Variants in TFRC observed in about 807,000 individuals in gnomAD.
TFRC encodes transferrin receptor.
In TFRC, 35 loss-of-function variants were observed where a neutral mutation model predicts 85.8. That is an observed-to-expected ratio of 0.41 (90% CI 0.31 to 0.54). The LOEUF is 0.54. TFRC is among the 20% of genes least tolerant of loss of function. TFRC has a pLI of 0.31. For missense variants in TFRC, 828 were observed against 921.5 expected (o/e 0.90, Z 1.31); for synonymous variants, 362 against 328.6 (o/e 1.10, Z -1.10).
At position 196,060,266 on chromosome 3, in the gene TFRC, A is replaced by T. The variant is rs1031845644; in HGVS notation, c.1469-19T>A. On this transcript the variant is annotated intron_variant, in intron 13 of 18. Transcript: ENST00000360110. ...CTGGTACCTGAAAATAAATTGTTTT[A>T]TCATTGCCCCTTCTCCATTCCGATA... is the stretch of plus-strand genomic sequence containing the variant. 1.2e-6 allele frequency: 2 copies of T among 1,609,214 alleles called. No homozygotes were observed. The highest frequency in any genetic ancestry group is 1.7e-5 in the Admixed American group (1 of 59,908).
intron 16 of TFRC, among the ~76,000 whole-genome samples, chr3:196,056,619 C>T (rs892427164): frequency 3.9e-5 from 6 of 152,046 alleles, no homozygotes; most frequent in African/African-American, 1.5e-4. Flanking sequence ...CCAGGCTGGT[C>T]TTGAACTCCT....
rs901572711 is a variant in TFRC at position 196,051,644 on chromosome 3, G to A, written c.*298C>T. ...GAGATCATTCACATAACTGGTTTCT[G>A]ACATTTTCATTAACAACAACAGGAA... On this transcript the variant is annotated 3_prime_UTR_variant, in exon 19 of 19. Transcript: ENST00000360110. 12 of 366,440 alleles carry A rather than the reference G, an allele frequency of 3.3e-5. No individual in the cohort carries two copies. The highest frequency in any genetic ancestry group is 2.5e-4 in the African/African-American group (12 of 48,192). 22.7% of individuals were successfully genotyped at this position (366,440 alleles called of 1,614,324 possible). A position where few individuals can be genotyped will look rare whatever the true frequency, so the allele number is the denominator to read the frequency against.
intron 2 of TFRC, among the ~76,000 whole-genome samples, chr3:196,076,750 C>A (rs1322509384): frequency 1.3e-5 from 2 of 152,024 alleles, no homozygotes; most frequent in Non-Finnish European, 2.9e-5. Context: ...TGAGCCACAG[C>A]GCCCCGCAAG....
rs1428954635 is a variant in TFRC at position 196,049,985 on chromosome 3, G to A, written c.*1957C>T. 2 of 230,792 alleles carry A rather than the reference G, an allele frequency of 8.7e-6. No homozygotes were observed. Among genetic ancestry groups the A allele is most frequent in the Non-Finnish European group, 1.7e-5 (2 of 116,608 alleles). The allele number at this position is 230,792 out of a possible 1,614,324, so 14.3% of individuals were successfully genotyped here. ...ACGTTTATAATGATGGTTCACTCAC[G>A]GAGCTTCGAACTTATTCATACCTAC... On this transcript the variant is annotated 3_prime_UTR_variant, in exon 19 of 19. Coordinates refer to ENST00000360110, the MANE Select transcript of TFRC (RefSeq NM_001128148.3).
At chr3:196,078,361 T>C (rs990576331) in intron 1 of TFRC, among the ~76,000 whole-genome samples, 1 of 152,108 alleles carries the variant, frequency 6.6e-6, no homozygotes, top group African/African-American at 2.4e-5. Flanking sequence ...TAACTGGCAT[T>C]AAGAAAAAGC....
intron 9 of TFRC, 38 bp from the exon 10 acceptor site, chr3:196,065,638 T>C (rs764240700): frequency 1.8e-5 from 28 of 1,565,860 alleles, no homozygotes; most frequent in Admixed American, 3.8e-5. Context: ...TGAGTTATTG[T>C]TCCTTGCCCA....
Position 196,055,275 on chromosome 3 carries a change from G to A in TFRC, c.1704C>T (p.Thr568=). 1 of 1,614,184 alleles carries A rather than the reference G, an allele frequency of 6.2e-7. No individual in the cohort carries two copies. Among genetic ancestry groups the A allele is most frequent in the Non-Finnish European group, 8.5e-7 (1 of 1,180,022 alleles). ...CEDTDYPYLG[T]TMDTYKELIE... is the part of the protein sequence containing the mutation. ...TCAGTTCCTTATAGGTGTCCATGGTGGTACCCAAATAAGGATAATCTGTGT... is the reference window on the plus strand; with the variant it reads ...TCAGTTCCTTATAGGTGTCCATGGTAGTACCCAAATAAGGATAATCTGTGT... Residue 568 remains threonine (T), a synonymous_variant, in exon 17 of 19, where the codon ACC becomes ACT. Coordinates refer to ENST00000360110, the MANE Select transcript of TFRC (RefSeq NM_001128148.3).
intron 16 of TFRC, among the ~76,000 whole-genome samples, chr3:196,057,470 C>T (rs1001901293): frequency 2.0e-5 from 3 of 152,142 alleles, no homozygotes; most frequent in African/African-American, 7.2e-5. Context: ...CCAAAGCTCC[C>T]AGCCAAATAA....
intron 13 of TFRC, chr3:196,060,482 C>T (rs1259543510): frequency 2.1e-6 from 1 of 472,924 alleles, no homozygotes; most frequent in East Asian, 3.8e-5. Flanking sequence ...ATACTTTAAT[C>T]CAAGTCACCT....
At chr3:196,068,174 T>C (rs193229399) in intron 7 of TFRC, 44 bp from the exon 8 acceptor site, 5 of 1,459,952 alleles carry the variant, frequency 3.4e-6, no homozygotes, top group African/African-American at 2.8e-5. Context: ...GATCTGATCA[T>C]ACGAAATGAG....
intron 16 of TFRC, 62 bp downstream of exon 16, chr3:196,058,222 A>G: frequency 7.1e-7 from 1 of 1,412,504 alleles, no homozygotes. Flanking sequence ...CCTATTCCCA[A>G]ATACAGATCA....
chr3:196,062,482 G>C (rs1717361663), intron 13 of TFRC, 100 bp downstream of exon 13: 2 of 1,034,312 alleles, frequency 1.9e-6, no homozygotes, highest in Admixed American at 4.1e-5. Context: ...GCAGTGAGCC[G>C]AGATCGTGCC....
intron 7 of TFRC, among the ~76,000 whole-genome samples, chr3:196,069,176 T>C (rs919562286): frequency 2.0e-5 from 3 of 152,182 alleles, no homozygotes; most frequent in Non-Finnish European, 4.4e-5. Context: ...TTGTGTATGT[T>C]TGGCTATTAA....
chr3:196,078,184 G>T (rs1244827969), intron 1 of TFRC, among the ~76,000 whole-genome samples: 2 of 152,004 alleles, frequency 1.3e-5, no homozygotes. Context: ...TGGTTTGAGG[G>T]CATCTAGATA....
At chr3:196,056,768 G>A (rs1716830586) in intron 16 of TFRC, among the ~76,000 whole-genome samples, 1 of 152,128 alleles carries the variant, frequency 6.6e-6, no homozygotes, top group East Asian at 1.9e-4. Flanking sequence ...AGCTAATTGA[G>A]ATTAACAAGT....
rs913379744 is a variant in TFRC at position 196,062,530 on chromosome 3, T to C, written c.1468+52A>G. ...CCTGGGCGACAAGAGCAAAACTCCA[T>C]CTCAAAAAAGTTTACCTGAATTCAT... On this transcript the variant is annotated intron_variant, in intron 13 of 18. Transcript: ENST00000360110. 8 of 1,528,228 alleles carry C rather than the reference T, an allele frequency of 5.2e-6. No homozygotes were observed. In the Admixed American group the frequency reaches 1.3e-4, roughly 24 times the overall value. 94.7% of individuals were successfully genotyped at this position (1,528,228 alleles called of 1,614,324 possible).
intron 1 of TFRC, among the ~76,000 whole-genome samples, chr3:196,080,028 T>G (rs1719036492): frequency 6.6e-6 from 1 of 152,190 alleles, no homozygotes; most frequent in Admixed American, 6.5e-5. Flanking sequence ...AGATTCCAAA[T>G]GATATGAAAA....
chr3:196,070,932 G>C (rs978873746), intron 6 of TFRC, among the ~76,000 whole-genome samples: 3 of 152,056 alleles, frequency 2.0e-5, no homozygotes, highest in Non-Finnish European at 4.4e-5. Flanking sequence ...GCAACAGAGT[G>C]ACACCCTGTC....
chr3:196,052,308 T>A (rs1240285299), intron 18 of TFRC, 124 bp from the exon 19 acceptor site: 10 of 1,177,038 alleles, frequency 8.5e-6, no homozygotes, highest in Non-Finnish European at 1.2e-5. Flanking sequence ...TTTTTTTTTT[T>A]TTTTTTTGAC....
Sources: gnomAD v4.1 joint callset for allele counts (sites outside exome capture counted in the v4.1 genomes callset) on GRCh38, gnomAD v4.1.1 for gene constraint, MANE v1.5 for transcripts, NCBI Gene and HGNC (gene_info 2026-07-23, HGNC 2026-07-21) for gene names.